Variants in KIF26A observed in about 807,000 individuals in gnomAD.
KIF26A encodes kinesin-like protein KIF26A.
Under a neutral mutation model 126.0 loss-of-function variants are expected in KIF26A, and 74 were observed. That is an observed-to-expected ratio of 0.59 (90% CI 0.49 to 0.71). KIF26A has a LOEUF of 0.71. KIF26A is among the 30% of genes least tolerant of loss of function. The pLI, the probability that KIF26A is intolerant of heterozygous loss-of-function variation, is 0.00. For synonymous variants in KIF26A, 1,445 were observed against 1,232.7 expected, an observed-to-expected ratio of 1.17 and a Z score of -3.61; for missense variants, 2,984 against 2,763.3, an observed-to-expected ratio of 1.08 and a Z score of -1.79.
intron 3 of KIF26A, 58 bp from the exon 4 acceptor site, chr14:104,157,697 G>C: frequency 6.5e-7 from 1 of 1,527,196 alleles, no homozygotes; most frequent in Non-Finnish European, 8.9e-7. Flanking sequence ...CCGGGTGCCA[G>C]GGGGCAGTGG....
chr14:104,157,267 A>C (rs1280538841), intron 3 of KIF26A, among the ~76,000 whole-genome samples: 1 of 152,200 alleles, frequency 6.6e-6, no homozygotes, highest in Non-Finnish European at 1.5e-5. Context: ...AGGGAGCGCC[A>C]CACATCACCG....
intron 5 of KIF26A, among the ~76,000 whole-genome samples, chr14:104,169,318 G>A (rs78426323): frequency 0.011 from 1,734 of 152,354 alleles, 29 homozygotes; most frequent in Non-Finnish European, 0.016. Context: ...CAGTTGGGGC[G>A]GGGGGCAGAG....
In KIF26A at chr14:104,173,063, A is replaced by G. The variant is rs752896683; in HGVS notation, c.1507A>G (p.Ile503Val). 25 of 1,605,730 alleles carry G rather than the reference A, an allele frequency of 1.6e-5. No individual in the cohort carries two copies. The South Asian group carries it at 2.5e-4, about 16-fold the overall frequency. ...PCAISWLFRL[I>V]EERRERTGTR... ...CGCCATCTCCTGGCTCTTCAGGCTC[A>G]TCGAGGAGCGCAGGGAGAGGACGGG... The change falls in exon 8 of 15, where the codon ATC (isoleucine) becomes GTC (valine). Residue 503 changes from isoleucine (I) to valine (V), a missense_variant. Ile to Val is a conservative substitution (Grantham distance 29). Transcript: ENST00000423312.
In KIF26A at chr14:104,177,318, T is replaced by C. The variant is rs760497452; in HGVS notation, c.4530T>C (p.Ala1510=). ...GRGLVAGGSR[A]LGPSVKLSTA... ...GCCTAGTGGCTGGTGGGTCGCGGGC[T>C]CTGGGGCCTTCGGTGAAGCTGTCTA... Residue 1510 remains alanine (A), a synonymous_variant, in exon 12 of 15, where the codon GCT becomes GCC. Coordinates refer to ENST00000423312, the MANE Select transcript of KIF26A (RefSeq NM_015656.2). 1.2e-5 allele frequency: 18 copies of C among 1,532,122 alleles called. No homozygotes were observed. The highest frequency in any genetic ancestry group is 1.7e-4 in the Middle Eastern group (1 of 5,890). The allele number at this position is 1,532,122 out of a possible 1,614,324, so 94.9% of individuals were successfully genotyped here.
intron 5 of KIF26A, among the ~76,000 whole-genome samples, chr14:104,168,452 G>T (rs1596145173): frequency 6.6e-6 from 1 of 152,222 alleles, no homozygotes; most frequent in Admixed American, 6.5e-5. Flanking sequence ...GGGCCGCCGT[G>T]GGGCATAGGG....
intron 5 of KIF26A, among the ~76,000 whole-genome samples, chr14:104,169,107 C>T (rs2037933660): frequency 6.6e-6 from 1 of 152,340 alleles, no homozygotes; most frequent in South Asian, 2.1e-4. Context: ...CAACAGTCTC[C>T]TTGAGACAGG....
At chr14:104,157,583 C>T (rs1281888841) in intron 3 of KIF26A, among the ~76,000 whole-genome samples, 172 bp from the exon 4 acceptor site, 2 of 152,190 alleles carry the variant, frequency 1.3e-5, no homozygotes, top group African/African-American at 2.4e-5. Context: ...TCTCTGCCAG[C>T]CCTGATTTCT....
At chr14:104,170,894 G>A (rs2037950498) in intron 5 of KIF26A, among the ~76,000 whole-genome samples, 1 of 152,252 alleles carries the variant, frequency 6.6e-6, no homozygotes, top group Non-Finnish European at 1.5e-5. Flanking sequence ...GTGCCTGTAT[G>A]TGGCCCAGTT....
In KIF26A at chr14:104,157,890, G is replaced by A; in HGVS notation, c.871G>A (p.Gly291Ser). The A allele has an allele frequency of 6.4e-7, 1 of 1,573,508 alleles. No individual in the cohort carries two copies. The highest frequency in any genetic ancestry group is 8.6e-7 in the Non-Finnish European group (1 of 1,157,284). ...CTSALVTPTP[G>S]SVGGSTGPSA... is the part of the protein sequence containing the mutation. ...GTCAGCCCTGGTCACCCCCACCCCG[G>A]GCTCGGTGGGGGGCTCCACAGGCCC... is the stretch of plus-strand genomic sequence containing the variant. Residue 291 changes from glycine to serine, a missense_variant, in exon 4 of 15, where the codon GGC (glycine) becomes AGC (serine). Physicochemically the swap from Gly to Ser is moderately conservative, Grantham distance 56. Coordinates refer to ENST00000423312, the MANE Select transcript of KIF26A (RefSeq NM_015656.2).
intron 4 of KIF26A, among the ~76,000 whole-genome samples, chr14:104,162,501 G>A (rs2037842661): frequency 2.6e-5 from 4 of 152,204 alleles, no homozygotes; most frequent in African/African-American, 4.8e-5. Flanking sequence ...GGCCTCTGCA[G>A]ACCTAAGGCT....
rs372795474 is a variant in KIF26A, at chr14:104,175,231, G to A, written c.2443G>A (p.Val815Met). 12 of 1,609,212 alleles carry A rather than the reference G, an allele frequency of 7.5e-6. No individual in the cohort carries two copies. Among genetic ancestry groups the A allele is most frequent in the Admixed American group, 3.3e-5 (2 of 59,912 alleles). The change falls in exon 12 of 15, where the codon GTG (valine) becomes ATG (methionine). Residue 815 changes from valine to methionine, a missense_variant. Transcript: ENST00000423312. ...CGACAACGAAGGTCCGCCTGACTTCGTGCCCATCATCCCTGCCCTGAGCCG... is the reference window on the plus strand; with the variant it reads ...CGACAACGAAGGTCCGCCTGACTTCATGCCCATCATCCCTGCCCTGAGCCG... Reference protein sequence around the residue: ...LTDNEGPPDFVPIIPALSRHR... With the variant: ...LTDNEGPPDFMPIIPALSRHR...
chr14:104,175,471 G>C lies in KIF26A; in HGVS notation c.2683G>C (p.Ala895Pro), dbSNP rs764271442. The change falls in exon 12 of 15, where the codon GCT (alanine) becomes CCT (proline). Residue 895 changes from alanine to proline, a missense_variant. Ala to Pro is a conservative substitution (Grantham distance 27, BLOSUM62 -1). Coordinates refer to ENST00000423312, the MANE Select transcript of KIF26A (RefSeq NM_015656.2). ...CAGGAAGGCCGTGGGCACCCCGATG[G>C]CTGCCAGCACCCCTCGAGGCAGTTC... is the stretch of plus-strand genomic sequence containing the variant. ...SPRKAVGTPMAASTPRGSSGP... is the reference protein window; with the variant it reads ...SPRKAVGTPMPASTPRGSSGP... 6.3e-7 allele frequency: 1 copy of C among 1,592,530 alleles called. No homozygotes were observed. Among genetic ancestry groups the C allele is most frequent in the Non-Finnish European group, 8.5e-7 (1 of 1,176,786 alleles).
chr14:104,163,865 G>T (rs914916307), intron 4 of KIF26A, among the ~76,000 whole-genome samples: 1 of 152,020 alleles, frequency 6.6e-6, no homozygotes, highest in Non-Finnish European at 1.5e-5. Flanking sequence ...CCGAGGCGGC[G>T]GGTGGGCTTC....
At chr14:104,164,374 G>A (rs11160790) in intron 4 of KIF26A, among the ~76,000 whole-genome samples, 41,866 of 152,036 alleles carry the variant, frequency 0.28, 7,117 homozygotes, top group East Asian at 0.42. Flanking sequence ...GCGTGGGAGC[G>A]CCTCCTGTTG....
intron 4 of KIF26A, among the ~76,000 whole-genome samples, chr14:104,166,029 G>A (rs577416555): frequency 1.3e-5 from 2 of 152,150 alleles, no homozygotes; most frequent in Non-Finnish European, 2.9e-5. Context: ...TTCCCTGGGG[G>A]CACTGTGGGT....
rs1303417545 is a variant in KIF26A at position 104,152,079 on chromosome 14, G to A, written c.353G>A (p.Arg118His). The change falls in exon 3 of 15, where the codon CGC becomes CAC. Residue 118 changes from arginine to histidine, a missense_variant. Arg to His is a conservative substitution (Grantham distance 29, BLOSUM62 0). Coordinates refer to ENST00000423312, the MANE Select transcript of KIF26A (RefSeq NM_015656.2). This position sits in a 1 kb window ranked among gnomAD's most constrained non-coding sequence, Gnocchi z 5.9. ...LPAPGALPACRPEAERRCDVC... is the reference protein window; with the variant it reads ...LPAPGALPACHPEAERRCDVC... ...GCACCTGGGGCCCTGCCAGCCTGTCGCCCAGAGGCCGAGCGCCGCTGTGAC... is the reference window on the plus strand; with the variant it reads ...GCACCTGGGGCCCTGCCAGCCTGTCACCCAGAGGCCGAGCGCCGCTGTGAC... 8 of 1,612,442 alleles carry A rather than the reference G, an allele frequency of 5.0e-6. No homozygotes were observed. The highest frequency in any genetic ancestry group is 1.3e-5 in the African/African-American group (1 of 74,862).
intron 11 of KIF26A, among the ~76,000 whole-genome samples, 181 bp downstream of exon 11, chr14:104,174,491 C>T (rs1217044349): frequency 6.6e-6 from 1 of 152,126 alleles, no homozygotes; most frequent in Non-Finnish European, 1.5e-5. Context: ...GGTGGGGAGC[C>T]CAGCCTGAGG....
intron 13 of KIF26A, 129 bp from the exon 14 acceptor site, chr14:104,179,106 GC>G: frequency 8.9e-7 from 1 of 1,120,306 alleles, no homozygotes; most frequent in African/African-American, 1.6e-5. Context: ...CCCCCTGCCC[GC>G]CCTTGGAGCC....
At position 104,177,666 on chromosome 14, in the gene KIF26A, C is replaced by A; in HGVS notation, c.4878C>A (p.Ser1626Arg). Reference sequence around the variant, plus strand: ...CCCCACGGCGGCCCCAGCGCTACAGCAGCGGCCATGGCAGCGACAACAGCA... The same window carrying A: ...CCCCACGGCGGCCCCAGCGCTACAGAAGCGGCCATGGCAGCGACAACAGCA... ...VTAPRRPQRY[S>R]SGHGSDNSSV... The change falls in exon 12 of 15, where the codon AGC becomes AGA. Residue 1626 changes from serine (S) to arginine (R), a missense_variant. Coordinates refer to ENST00000423312, the MANE Select transcript of KIF26A (RefSeq NM_015656.2). The A allele has an allele frequency of 6.5e-7, 1 of 1,529,482 alleles. No homozygotes were observed. The allele number at this position is 1,529,482 out of a possible 1,614,324, so 94.7% of individuals were successfully genotyped here.
Sources: allele counts gnomAD v4.1 joint callset (sites outside exome capture counted in the v4.1 genomes callset), GRCh38; gene constraint gnomAD v4.1.1; non-coding constraint Gnocchi (gnomAD v3.1); transcripts MANE v1.5; gene names NCBI Gene and HGNC (gene_info 2026-07-23, HGNC 2026-07-21).